The following ATXN1 variants were observed in gnomAD, a reference collection of about 807,000 sequenced individuals.
The protein encoded by ATXN1 is ataxin-1.
In ATXN1, 8 loss-of-function variants were observed where a neutral mutation model predicts 56.4. The observed-to-expected ratio is 0.14, with a 90% confidence interval of 0.08 to 0.26. ATXN1 has a LOEUF of 0.26. Ranked by LOEUF, ATXN1 falls within the 10% of genes least tolerant of loss-of-function variation. The pLI, the probability that ATXN1 is intolerant of heterozygous loss-of-function variation, is 1.00. For missense variants in ATXN1, 987 were observed against 1,106.5 expected, an observed-to-expected ratio of 0.89 and a Z score of 1.53; for synonymous variants, 514 against 494.6, an observed-to-expected ratio of 1.04 and a Z score of -0.52.
intron 4 of ATXN1, among the ~76,000 whole-genome samples, chr6:16,529,730 T>C (rs1394917956): frequency 6.6e-6 from 1 of 152,204 alleles, no homozygotes; most frequent in Admixed American, 6.5e-5. Context: ...ACAATTTAAA[T>C]TGAGTTAGGA....
At chr6:16,613,161 A>G (rs920726922) in intron 3 of ATXN1, among the ~76,000 whole-genome samples, 6 of 145,818 alleles carry the variant, frequency 4.1e-5, no homozygotes, top group Admixed American at 3.5e-4. Context: ...GCCACTCGGG[A>G]GGCTGAGGCA....
At chr6:16,499,505 T>C (rs1473176340) in intron 5 of ATXN1, among the ~76,000 whole-genome samples, 1 of 152,124 alleles carries the variant, frequency 6.6e-6, no homozygotes, top group East Asian at 1.9e-4. Context: ...CCTCTTGAGG[T>C]GGTGCTTTTG....
intron 2 of ATXN1, among the ~76,000 whole-genome samples, chr6:16,713,880 G>A (rs573604472): frequency 3.9e-5 from 6 of 152,248 alleles, no homozygotes; most frequent in South Asian, 4.1e-4. Context: ...GTCCCTGGCC[G>A]CGCGTAGTAA....
intron 6 of ATXN1, among the ~76,000 whole-genome samples, chr6:16,383,714 G>T (rs1251773711): frequency 6.6e-6 from 1 of 152,178 alleles, no homozygotes; most frequent in Non-Finnish European, 1.5e-5. Flanking sequence ...GCCCCAAAGG[G>T]ATGATGGAAT....
rs140257227 is a variant in ATXN1 at position 16,328,206 on chromosome 6, G to A, written c.105C>T (p.Ser35=). 3.8e-5 allele frequency: 61 copies of A among 1,597,490 alleles called. No individual in the cohort carries two copies. The African/African-American group carries it at 5.0e-4, about 13-fold the overall frequency. The part of the protein sequence containing the change: ...SSEEKAPTLP[S]DNHRVEGTAW... ...CTGTGCCCTCCACCCGGTGGTTGTC[G>A]CTGGGCAGGGTAGGGGCCTTCTCCT... is the stretch of plus-strand genomic sequence containing the variant. Residue 35 remains serine (S), a synonymous_variant, in exon 7 of 8, where the codon AGC becomes AGT. Coordinates refer to ENST00000436367, the MANE Select transcript of ATXN1 (RefSeq NM_001128164.2). The surrounding 1 kb of genome is among the most constrained non-coding windows in gnomAD (Gnocchi z 6.2).
intron 4 of ATXN1, among the ~76,000 whole-genome samples, chr6:16,565,070 C>G (rs1762192078): frequency 6.6e-6 from 1 of 152,216 alleles, no homozygotes; most frequent in Non-Finnish European, 1.5e-5. Flanking sequence ...TTCTTCCCAT[C>G]TGCTTCTTTA....
rs576233805 is a variant in ATXN1 at position 16,394,792 on chromosome 6, A to T, written c.-160-66322T>A. 3.3e-5 allele frequency among the ~76,000 whole-genome samples: 5 copies of T among 152,338 alleles called. No homozygotes were observed. The South Asian group carries it at 1.0e-3, about 32-fold the overall frequency. Reference sequence around the variant, plus strand: ...GACCAAGAGTAGACAGCCAGTCCAAAGTCCACAGAAATAAAAATCCATTTA... The same window carrying T: ...GACCAAGAGTAGACAGCCAGTCCAATGTCCACAGAAATAAAAATCCATTTA... On this transcript the variant is annotated intron_variant, in intron 6 of 7. Transcript: ENST00000436367.
At chr6:16,690,860 C>T (rs80119849) in intron 2 of ATXN1, among the ~76,000 whole-genome samples, 4,140 of 152,168 alleles carry the variant, frequency 0.027, 82 homozygotes, top group South Asian at 0.073. Flanking sequence ...TCATAAAGCA[C>T]GATGATGCTG....
intron 5 of ATXN1, among the ~76,000 whole-genome samples, chr6:16,497,256 C>T (rs1343601377): frequency 6.6e-6 from 1 of 151,484 alleles, no homozygotes; most frequent in African/African-American, 2.4e-5. Flanking sequence ...ATTCAGATTG[C>T]AGCATTCCTC....
intron 3 of ATXN1, among the ~76,000 whole-genome samples, chr6:16,595,540 G>A (rs1042961705): frequency 6.6e-6 from 1 of 152,250 alleles, no homozygotes; most frequent in Non-Finnish European, 1.5e-5. Flanking sequence ...ATCTGGAGGG[G>A]AACTAATTTA....
intron 6 of ATXN1, among the ~76,000 whole-genome samples, chr6:16,418,253 T>C (rs1213574566): frequency 6.6e-6 from 1 of 152,210 alleles, no homozygotes; most frequent in African/African-American, 2.4e-5. Context: ...TAAAAGTAAA[T>C]ATTGTTCCTG....
intron 5 of ATXN1, among the ~76,000 whole-genome samples, chr6:16,514,730 C>T (rs1761146451): frequency 6.6e-6 from 1 of 152,084 alleles, no homozygotes; most frequent in East Asian, 1.9e-4. Context: ...AAAATAATAT[C>T]CACGGCACTT....
chr6:16,631,438 G>A (rs1455576904), intron 3 of ATXN1, among the ~76,000 whole-genome samples: 1 of 152,166 alleles, frequency 6.6e-6, no homozygotes, highest in Non-Finnish European at 1.5e-5. Flanking sequence ...TGAGTCCCTT[G>A]AATATTGGTG....
At chr6:16,722,121 T>G (rs979299768) in intron 2 of ATXN1, among the ~76,000 whole-genome samples, 5 of 152,232 alleles carry the variant, frequency 3.3e-5, no homozygotes, top group African/African-American at 1.2e-4. Context: ...AATATCATGT[T>G]GCAAACTATG....
At chr6:16,430,841 G>A (rs188977320) in intron 6 of ATXN1, among the ~76,000 whole-genome samples, 333 of 152,138 alleles carry the variant, frequency 2.2e-3, no homozygotes, top group African/African-American at 7.3e-3. Flanking sequence ...GGAGTACTGC[G>A]TACATCCAAG....
intron 6 of ATXN1, among the ~76,000 whole-genome samples, chr6:16,362,407 G>A (rs146674698): frequency 4.3e-4 from 66 of 152,236 alleles, no homozygotes; most frequent in African/African-American, 1.5e-3. Flanking sequence ...CCTGGGTGTC[G>A]GCTTCTGAGC....
Position 16,327,540 on chromosome 6 carries a change from G to A in ATXN1, c.771C>T (p.Thr257=), listed in dbSNP as rs201796896. The change falls in exon 7 of 8, where the codon ACC becomes ACT. Residue 257 remains threonine, a synonymous_variant. Coordinates refer to ENST00000436367, the MANE Select transcript of ATXN1 (RefSeq NM_001128164.2). The stretch of plus-strand genomic sequence containing the variant: ...TGGCCGGAGGAGAGGCGGTGCGGCC[G>A]GTGTTCTGCGGAGAACTGGAAATGT... The part of the protein sequence containing the change: ...YVHISSSPQN[T]GRTASPPAIP... 6.8e-5 allele frequency: 109 copies of A among 1,608,698 alleles called. No homozygotes were observed. In the African/African-American group the frequency reaches 1.0e-3, roughly 15 times the overall value.
At chr6:16,525,725 A>G (rs1268339782) in intron 4 of ATXN1, among the ~76,000 whole-genome samples, 2 of 152,116 alleles carry the variant, frequency 1.3e-5, no homozygotes, top group Non-Finnish European at 2.9e-5. Flanking sequence ...CCCATTCTTC[A>G]TGATGTGTTT....
intron 4 of ATXN1, among the ~76,000 whole-genome samples, chr6:16,544,763 G>C (rs1489365664): frequency 6.6e-6 from 1 of 152,126 alleles, no homozygotes; most frequent in Non-Finnish European, 1.5e-5. Context: ...TCCTAATAAG[G>C]GAGGATCACT....
Sources: allele counts gnomAD v4.1 joint callset (sites outside exome capture counted in the v4.1 genomes callset), GRCh38; gene constraint gnomAD v4.1.1; non-coding constraint Gnocchi (gnomAD v3.1); transcripts MANE v1.5; gene names NCBI Gene and HGNC (gene_info 2026-07-23, HGNC 2026-07-21).